ZNF385D: variants seen among roughly 807,000 people sequenced by gnomAD.
The protein encoded by ZNF385D is zinc finger protein 385D, also known as zinc finger protein 659.
Under a neutral mutation model 35.8 loss-of-function variants are expected in ZNF385D, and 15 were observed. The ratio of observed to expected loss-of-function variants is 0.42; its 90% CI spans 0.28 to 0.64. The LOEUF is 0.64. Ranked by LOEUF, ZNF385D falls within the 30% of genes least tolerant of loss-of-function variation. ZNF385D has a pLI of 0.23. For synonymous variants in ZNF385D, 212 were observed against 186.8 expected, an observed-to-expected ratio of 1.13 and a Z score of -1.10; for missense variants, 474 against 494.6, an observed-to-expected ratio of 0.96 and a Z score of 0.39.
At chr3:21,860,230 G>A (rs528925925) in intron 3 of ZNF385D, among the ~76,000 whole-genome samples, 1 of 152,170 alleles carries the variant, frequency 6.6e-6, no homozygotes, top group East Asian at 1.9e-4. Context: ...AATGTTTTCA[G>A]TTTTGTGCTG....
intron 3 of ZNF385D, among the ~76,000 whole-genome samples, chr3:21,912,645 T>C (rs1050382372): frequency 5.9e-5 from 9 of 152,026 alleles, no homozygotes; most frequent in African/African-American, 2.2e-4. Context: ...CGTTAGGGGA[T>C]TGTATATATC....
chr3:21,549,472 T>G (rs1410620762), intron 3 of ZNF385D, among the ~76,000 whole-genome samples: 2 of 152,204 alleles, frequency 1.3e-5, no homozygotes, highest in African/African-American at 4.8e-5. Context: ...AGTTAGGAAC[T>G]AGCAAGGTTG....
intron 3 of ZNF385D, among the ~76,000 whole-genome samples, chr3:22,098,069 G>C (rs1269525884): frequency 1.3e-5 from 2 of 152,058 alleles, no homozygotes; most frequent in Non-Finnish European, 2.9e-5. Flanking sequence ...TGGCAGAAGA[G>C]GTGGTGGTAG....
chr3:21,683,549 G>C (rs1027945964), intron 1 of ZNF385D, among the ~76,000 whole-genome samples: 1 of 149,408 alleles, frequency 6.7e-6, no homozygotes, highest in Admixed American at 6.7e-5. Flanking sequence ...CCTGGGAGGC[G>C]AAGGTTGCAG....
chr3:21,434,118 A>C (rs868397591), intron 5 of ZNF385D, among the ~76,000 whole-genome samples: 1 of 152,220 alleles, frequency 6.6e-6, no homozygotes, highest in Non-Finnish European at 1.5e-5. Flanking sequence ...TTCATGACCA[A>C]TAGAAGTTTT....
intron 3 of ZNF385D, among the ~76,000 whole-genome samples, chr3:22,162,104 G>A (rs1023270918): frequency 2.0e-5 from 3 of 152,110 alleles, no homozygotes; most frequent in Admixed American, 6.6e-5. Context: ...TTGCATTTTT[G>A]ATGGCAAATC....
rs1193463057 is a variant in ZNF385D, at chr3:21,621,892, TGTGC to T, written c.165+42990_165+42993del. Among the ~76,000 whole-genome samples, 6 of 149,048 alleles carry T rather than the reference TGTGC, an allele frequency of 4.0e-5. No individual in the cohort carries two copies. The East Asian group carries it at 1.2e-3, about 29-fold the overall frequency. On this transcript the variant is annotated intron_variant, in intron 2 of 7. Transcript: ENST00000281523. The stretch of plus-strand genomic sequence containing the variant: ...GTGTGTGTGTGTGTGTGTGTGTGTG[TGTGC>T]GTGCACGCACGTGTGTGCTTTCTTT...
At chr3:21,501,179 G>A (rs932059758) in intron 4 of ZNF385D, among the ~76,000 whole-genome samples, 1 of 151,348 alleles carries the variant, frequency 6.6e-6, no homozygotes, top group African/African-American at 2.4e-5. Context: ...TTCAATTTGG[G>A]GTCTCCTCTT....
intron 2 of ZNF385D, among the ~76,000 whole-genome samples, chr3:22,174,545 AGTTG>A (rs1694688474): frequency 6.6e-6 from 1 of 152,154 alleles, no homozygotes; most frequent in Non-Finnish European, 1.5e-5. Context: ...TTTTTTTAAA[AGTTG>A]GCAGATAGGA....
intron 2 of ZNF385D, among the ~76,000 whole-genome samples, chr3:22,209,849 T>A (rs1697402337): frequency 6.6e-6 from 1 of 151,862 alleles, no homozygotes; most frequent in South Asian, 2.1e-4. Flanking sequence ...ATAAGCTAAC[T>A]GTATATTCAG....
At chr3:21,544,454 A>C (rs1295625752) in intron 3 of ZNF385D, among the ~76,000 whole-genome samples, 1 of 152,172 alleles carries the variant, frequency 6.6e-6, no homozygotes, top group Non-Finnish European at 1.5e-5. Context: ...TTTTAGTGAA[A>C]GGTTATAAGA....
intron 3 of ZNF385D, among the ~76,000 whole-genome samples, chr3:22,104,299 G>A (rs1456609759): frequency 6.6e-6 from 1 of 151,000 alleles, no homozygotes; most frequent in Non-Finnish European, 1.5e-5. Context: ...AATTCACTGA[G>A]TGTGTCTCCT....
chr3:22,201,833 C>A (rs943501048), intron 2 of ZNF385D, among the ~76,000 whole-genome samples: 1 of 151,412 alleles, frequency 6.6e-6, no homozygotes, highest in Non-Finnish European at 1.5e-5. Context: ...AAATTTAATA[C>A]TTTTGACAAA....
At chr3:22,144,683 CAT>C (rs1319789870) in intron 3 of ZNF385D, among the ~76,000 whole-genome samples, 4 of 148,508 alleles carry the variant, frequency 2.7e-5, no homozygotes, top group African/African-American at 5.0e-5. Context: ...ACCAATAGTA[CAT>C]AGTGATCAGC....
chr3:21,856,356 T>C (rs1198484396), intron 3 of ZNF385D, among the ~76,000 whole-genome samples: 2 of 152,046 alleles, frequency 1.3e-5, no homozygotes, highest in Non-Finnish European at 2.9e-5. Flanking sequence ...AGTCAATCCC[T>C]TGGCTTTAAA....
At chr3:21,742,438 C>T (rs2069561457) in intron 1 of ZNF385D, among the ~76,000 whole-genome samples, 1 of 152,224 alleles carries the variant, frequency 6.6e-6, no homozygotes, top group Non-Finnish European at 1.5e-5. Context: ...GGCAAGATCT[C>T]TCTGCAGGTC....
chr3:21,474,801 C>G (rs1307366704), intron 4 of ZNF385D, among the ~76,000 whole-genome samples: 1 of 152,066 alleles, frequency 6.6e-6, no homozygotes. Flanking sequence ...CTTGGCTTTG[C>G]TAATCAAATT....
At chr3:22,058,659 G>A (rs1050926365) in intron 3 of ZNF385D, among the ~76,000 whole-genome samples, 1 of 152,094 alleles carries the variant, frequency 6.6e-6, no homozygotes, top group African/African-American at 2.4e-5. Context: ...ATGAAAAAAT[G>A]GGACATTACC....
Position 21,421,312 on chromosome 3 carries a change from T to C in ZNF385D, c.1090A>G (p.Thr364Ala). Residue 364 changes from threonine (T) to alanine (A), a missense_variant, in exon 8 of 8, where the codon ACA becomes GCA. Coordinates refer to ENST00000281523, the MANE Select transcript of ZNF385D (RefSeq NM_024697.3). ...GGAAGCGCGGAAGTCTGGAACAGTG[T>C]TGCTGCTGGAGCAGTTCGAAGACTG... ...PFSLRTAPAA[T>A]LFQTSALPPA... The C allele has an allele frequency of 6.2e-7, 1 of 1,614,090 alleles. No individual in the cohort carries two copies.
Sources: gnomAD v4.1 joint callset for allele counts (sites outside exome capture counted in the v4.1 genomes callset) on GRCh38, gnomAD v4.1.1 for gene constraint, MANE v1.5 for transcripts, NCBI Gene and HGNC (gene_info 2026-07-23, HGNC 2026-07-21) for gene names.